MSN: variants seen among roughly 807,000 people sequenced by gnomAD.
MSN encodes the protein moesin, also known as epididymis luminal protein 70.
Under a neutral mutation model 48.0 loss-of-function variants are expected in MSN, and 2 were observed. The observed-to-expected ratio is 0.04, with a 90% CI of 0.02 to 0.13. MSN has a LOEUF of 0.13. MSN is among the 10% of genes least tolerant of loss of function. The pLI is 1.00. For synonymous variants in MSN, 146 were observed against 166.9 expected, an observed-to-expected ratio of 0.87 and a Z score of 0.97; for missense variants, 267 against 470.1, an observed-to-expected ratio of 0.57 and a Z score of 3.99.
chrX:65,699,824 G>C (rs1398800265), intron 1 of MSN, among the ~76,000 whole-genome samples: 5 of 106,573 alleles, frequency 4.7e-5, no homozygotes, highest in African/African-American at 1.7e-4. Context: ...CCTTAAATAA[G>C]ATAAACTTGG....
At chrX:65,691,755 C>T (rs924070427) in intron 1 of MSN, among the ~76,000 whole-genome samples, 1 of 112,081 alleles carries the variant, frequency 8.9e-6, no homozygotes, top group African/African-American at 3.2e-5. Flanking sequence ...ATCCACCCAC[C>T]TCAGCCTCCC....
chrX:65,694,654 T>C (rs976439442), intron 1 of MSN, among the ~76,000 whole-genome samples: 2 of 112,071 alleles, frequency 1.8e-5, no homozygotes, highest in African/African-American at 6.5e-5. Context: ...TTTTAATAGA[T>C]GAGGAAACTG....
At chrX:65,601,912 T>G (rs2070239424) in intron 1 of MSN, among the ~76,000 whole-genome samples, 1 of 111,817 alleles carries the variant, frequency 8.9e-6, no homozygotes, top group African/African-American at 3.3e-5. Context: ...AGAGCCTCCT[T>G]CCCAGCCCAG....
At chrX:65,633,414 A>G (rs759219206) in intron 1 of MSN, among the ~76,000 whole-genome samples, 1 of 112,100 alleles carries the variant, frequency 8.9e-6, no homozygotes, top group South Asian at 3.7e-4. Context: ...TCTCTAACCT[A>G]CCACCAAACA....
At position 65,636,155 on chromosome X, in the gene MSN, A is replaced by G. The variant is rs771504305; in HGVS notation, c.-22+47543A>G. 2.7e-5 allele frequency among the ~76,000 whole-genome samples: 3 copies of G among 111,522 alleles called. No individual in the cohort carries two copies. The South Asian group carries it at 1.1e-3, about 43-fold the overall frequency. ...TCTATACTGGACAGATAAACCTATC[A>G]TATTTTCGGGTGGGGTGCAGGGGAG... is the stretch of plus-strand genomic sequence containing the variant. On this transcript the variant is annotated intron_variant, in intron 1 of 3. Coordinates refer to the MSN transcript ENST00000609672.
At chrX:65,692,562 C>T (rs2071184752) in intron 1 of MSN, among the ~76,000 whole-genome samples, 1 of 112,541 alleles carries the variant, frequency 8.9e-6, no homozygotes, top group African/African-American at 3.2e-5. Flanking sequence ...GTGGAGTTAT[C>T]AGTATTTGGT....
At chrX:65,626,844 A>G (rs1015847286) in intron 1 of MSN, among the ~76,000 whole-genome samples, 7 of 111,343 alleles carry the variant, frequency 6.3e-5, no homozygotes, top group African/African-American at 2.3e-4. Flanking sequence ...GTCTTTCAGG[A>G]AGCCCCTAGA....
At chrX:65,638,825 A>T (rs1388463153) in intron 1 of MSN, among the ~76,000 whole-genome samples, 2 of 112,679 alleles carry the variant, frequency 1.8e-5, no homozygotes, top group Non-Finnish European at 3.7e-5. Flanking sequence ...AAGTGCTGGG[A>T]TTACAGGTGT....
chrX:65,609,376 G>T (rs2070302130), intron 1 of MSN, among the ~76,000 whole-genome samples: 1 of 111,030 alleles, frequency 9.0e-6, no homozygotes, highest in South Asian at 3.8e-4. Context: ...GGCCTGCCCA[G>T]AACAAGGCAA....
chrX:65,633,446 CACTT>C (rs765033207), intron 1 of MSN, among the ~76,000 whole-genome samples: 1 of 112,411 alleles, frequency 8.9e-6, no homozygotes, highest in South Asian at 3.7e-4. Flanking sequence ...TGGCCATAAA[CACTT>C]AATTAATCAC....
At position 65,613,786 on chromosome X, in the gene MSN, G is replaced by C. The variant is rs943789628; in HGVS notation, c.-22+25174G>C. ...CTGGATATTAGCCCTTTGTTGAATGGATAGATTGCAAAAATTTTCTCCCAT... is the reference window on the plus strand; with the variant it reads ...CTGGATATTAGCCCTTTGTTGAATGCATAGATTGCAAAAATTTTCTCCCAT... On this transcript the variant is annotated intron_variant, in intron 1 of 3. Transcript: ENST00000609672. Among the ~76,000 whole-genome samples, 3 of 111,868 alleles carry C rather than the reference G, an allele frequency of 2.7e-5. No homozygotes were observed. In the South Asian group the frequency reaches 1.1e-3, roughly 41 times the overall value.
At chrX:65,613,137 G>A (rs769416924) in intron 1 of MSN, among the ~76,000 whole-genome samples, 1 of 111,385 alleles carries the variant, frequency 9.0e-6, no homozygotes, top group South Asian at 3.8e-4. Flanking sequence ...TTGATTTTCT[G>A]TTCCTGTGTT....
intron 1 of MSN, among the ~76,000 whole-genome samples, chrX:65,613,300 A>T (rs773922149): frequency 8.7e-6 from 1 of 114,954 alleles, no homozygotes; most frequent in Admixed American, 9.1e-5. Context: ...GTTGGTTCCA[A>T]GTCTATGCTC....
chrX:65,602,841 C>T (rs776870225), intron 1 of MSN, among the ~76,000 whole-genome samples: 2 of 112,087 alleles, frequency 1.8e-5, no homozygotes, highest in Non-Finnish European at 3.8e-5. Context: ...TCAGATGTGT[C>T]ATGTTCATTT....
At chrX:65,609,727 C>T (rs2070305580) in intron 1 of MSN, among the ~76,000 whole-genome samples, 1 of 111,274 alleles carries the variant, frequency 9.0e-6, no homozygotes, top group Non-Finnish European at 1.9e-5. Flanking sequence ...ACTAAAAATA[C>T]AAAAAATTAG....
At chrX:65,682,683 C>T (rs898049685) in intron 1 of MSN, among the ~76,000 whole-genome samples, 3 of 112,027 alleles carry the variant, frequency 2.7e-5, no homozygotes, top group African/African-American at 9.7e-5. Flanking sequence ...ATTATATCCC[C>T]GGTACCCAAC....
chrX:65,689,817 C>A (rs772072770), intron 1 of MSN, among the ~76,000 whole-genome samples: 1 of 112,191 alleles, frequency 8.9e-6, no homozygotes, highest in Admixed American at 9.4e-5. Flanking sequence ...TGCCTGATGT[C>A]AAAGCATGTG....
chrX:65,697,634 A>G (rs1201406890), intron 1 of MSN, among the ~76,000 whole-genome samples: 2 of 112,161 alleles, frequency 1.8e-5, no homozygotes, highest in Non-Finnish European at 3.8e-5. Context: ...AGAAATACCA[A>G]TGCTGGCATC....
chrX:65,649,147 A>T (rs181243865), intron 1 of MSN, among the ~76,000 whole-genome samples: 1 of 108,525 alleles, frequency 9.2e-6, no homozygotes, highest in African/African-American at 3.3e-5. Flanking sequence ...AAGAAGGTAG[A>T]CTGCTCAAGA....
Sources: allele counts gnomAD v4.1 joint callset (sites outside exome capture counted in the v4.1 genomes callset), GRCh38; gene constraint gnomAD v4.1.1; transcripts MANE v1.5; gene names NCBI Gene and HGNC (gene_info 2026-07-23, HGNC 2026-07-21).